Variants in ATG2B observed in about 807,000 individuals in gnomAD.
ATG2B encodes autophagy related 2B.
A neutral mutation model predicts 241.3 loss-of-function variants in ATG2B; 121 were observed. The ratio of observed to expected loss-of-function variants is 0.50; its 90% CI spans 0.43 to 0.58. ATG2B has a LOEUF of 0.58. ATG2B is among the 20% of genes least tolerant of loss of function. The probability of loss-of-function intolerance (pLI) is 0.00; values close to 1 mark genes in which losing one functional copy is unlikely to be tolerated. For synonymous variants in ATG2B, 858 were observed against 876.6 expected (o/e 0.98, Z 0.37); for missense variants, 2,306 against 2,491.6 (o/e 0.93, Z 1.59).
intron 33 of ATG2B, 41 bp downstream of exon 33, chr14:96,303,020 T>C (rs762046747): frequency 1.4e-6 from 2 of 1,388,434 alleles, no homozygotes; most frequent in Admixed American, 5.3e-5. Context: ...AAAAACACGT[T>C]TCCAAAACTA....
At chr14:96,299,668 T>C (rs1886737846) in intron 34 of ATG2B, among the ~76,000 whole-genome samples, 1 of 152,184 alleles carries the variant, frequency 6.6e-6, no homozygotes, top group African/African-American at 2.4e-5. Context: ...CATCCACTTA[T>C]CCACCAGATG....
chr14:96,289,765 G>T lies in ATG2B; in HGVS notation c.5897C>A (p.Thr1966Asn), dbSNP rs1419663128. Reference sequence around the variant, plus strand: ...GGTCTTCTTGGGCTCGATAGAAAGGGTACCAGGAGACACCATATCATAAGC... The same window carrying T: ...GGTCTTCTTGGGCTCGATAGAAAGGTTACCAGGAGACACCATATCATAAGC... Reference protein sequence around the residue: ...ETAYDMVSPGTLSIEPKKTKR... With the variant: ...ETAYDMVSPGNLSIEPKKTKR... Residue 1966 changes from threonine (T) to asparagine (N), a missense_variant, in exon 41 of 42, where the codon ACC becomes AAC. Thr to Asn is a moderately conservative substitution (Grantham distance 65). This residue lies in a region of ATG2B where 379 missense variants were observed against 480.4 expected (regional missense o/e 0.79). Transcript: ENST00000359933. This position sits in a 1 kb window ranked among gnomAD's most constrained non-coding sequence, Gnocchi z 4.3. 2 of 1,614,010 alleles carry T rather than the reference G, an allele frequency of 1.2e-6. No homozygotes were observed.
chr14:96,346,999 GGAAA>G (rs568252371), intron 2 of ATG2B, among the ~76,000 whole-genome samples, 176 bp downstream of exon 2: 41 of 151,998 alleles, frequency 2.7e-4, no homozygotes, highest in Middle Eastern at 6.8e-3. Flanking sequence ...GAAAAATCGG[GGAAA>G]GAAACAACTC....
Position 96,290,985 on chromosome 14 carries a change from C to T in ATG2B, c.5580-50G>A. 6.7e-7 allele frequency: 1 copy of T among 1,488,562 alleles called. No homozygotes were observed. The highest frequency in any genetic ancestry group is 1.4e-5 in the South Asian group (1 of 72,742). The allele number at this position is 1,488,562 out of a possible 1,614,324, so 92.2% of individuals were successfully genotyped here. On this transcript the variant is annotated intron_variant, in intron 38 of 41. Transcript: ENST00000359933. This position sits in a 1 kb window ranked among gnomAD's most constrained non-coding sequence, Gnocchi z 4.4. ...TCAAAAGGAGAAATACATTTATAGA[C>T]ACAGATTAGTTTGAGGGTTTTTTTT...
chr14:96,331,731 CAG>C, intron 10 of ATG2B, 94 bp from the exon 11 acceptor site: 1 of 993,552 alleles, frequency 1.0e-6, no homozygotes, highest in Middle Eastern at 2.9e-4. Context: ...CTTTAAAAAA[CAG>C]ATGATCATAC....
intron 1 of ATG2B, among the ~76,000 whole-genome samples, chr14:96,353,868 T>C (rs530141023): frequency 7.0e-4 from 107 of 152,180 alleles, no homozygotes; most frequent in African/African-American, 2.6e-3. Context: ...AGGAGTTCAA[T>C]GGAAAAAGAC....
At position 96,306,288 on chromosome 14, in the gene ATG2B, G is replaced by T. The variant is rs145558076; in HGVS notation, c.4506+426C>A. 3.6e-3 allele frequency among the ~76,000 whole-genome samples: 547 copies of T among 151,428 alleles called. 6 individuals carry two copies. Among genetic ancestry groups the T allele is most frequent in the Admixed American group, 0.021 (326 of 15,196 alleles). Reference sequence around the variant, plus strand: ...ACGGTCACCTACTGGACAATTCCTGGAAAGTTTCCAAATACACATACACAC... The same window carrying T: ...ACGGTCACCTACTGGACAATTCCTGTAAAGTTTCCAAATACACATACACAC... On this transcript the variant is annotated intron_variant, in intron 30 of 41. Coordinates refer to ENST00000359933, the MANE Select transcript of ATG2B (RefSeq NM_018036.7).
chr14:96,306,428 G>A (rs1886949629), intron 30 of ATG2B, among the ~76,000 whole-genome samples: 1 of 151,986 alleles, frequency 6.6e-6, no homozygotes, highest in South Asian at 2.1e-4. Context: ...AGATCCTTCT[G>A]CCATTTAATT....
chr14:96,357,737 T>TA (rs998923648), intron 1 of ATG2B, among the ~76,000 whole-genome samples: 2 of 152,102 alleles, frequency 1.3e-5, no homozygotes, highest in African/African-American at 4.8e-5. Flanking sequence ...TGGCCCATCA[T>TA]AAAAGACTTC....
intron 36 of ATG2B, 115 bp from the exon 37 acceptor site, chr14:96,292,213 A>C (rs1377125514): frequency 5.1e-6 from 3 of 592,532 alleles, no homozygotes; most frequent in Non-Finnish European, 8.8e-6. Context: ...AATAAATCAT[A>C]TAAATATCTT....
At chr14:96,337,454 T>C (rs1420288734) in intron 6 of ATG2B, among the ~76,000 whole-genome samples, 1 of 152,156 alleles carries the variant, frequency 6.6e-6, no homozygotes, top group African/African-American at 2.4e-5. Flanking sequence ...GTGTCAAAGC[T>C]ATGAGAAGGA....
chr14:96,352,451 G>A (rs765595183), intron 1 of ATG2B, among the ~76,000 whole-genome samples: 67 of 152,028 alleles, frequency 4.4e-4, no homozygotes, highest in Non-Finnish European at 8.8e-4. Context: ...AGAAGGCATT[G>A]TTATCATAGG....
chr14:96,308,219 AATATATATATACATAT>A (rs1887013035), intron 29 of ATG2B, among the ~76,000 whole-genome samples: 1 of 74,036 alleles, frequency 1.4e-5, no homozygotes, highest in East Asian at 2.9e-4. Context: ...TAAATACATA[AATATATATATACATAT>A]ATATATATAT....
At position 96,349,497 on chromosome 14, in the gene ATG2B, T is replaced by A. The variant is rs545246032; in HGVS notation, c.163-2156A>T. 2.8e-3 allele frequency among the ~76,000 whole-genome samples: 431 copies of A among 152,326 alleles called. 2 individuals carry two copies. Among genetic ancestry groups the A allele is most frequent in the African/African-American group, 1.0e-2 (415 of 41,578 alleles). On this transcript the variant is annotated intron_variant, in intron 1 of 41. Coordinates refer to ENST00000359933, the MANE Select transcript of ATG2B (RefSeq NM_018036.7). ...GAAGGGAAGATGCCAGCAGGAAGGC[T>A]GTTATGAGTAATAGAAGCTAGAGAG...
intron 1 of ATG2B, among the ~76,000 whole-genome samples, chr14:96,361,510 T>C (rs1448665898): frequency 6.6e-6 from 1 of 152,196 alleles, no homozygotes; most frequent in Admixed American, 6.5e-5. Flanking sequence ...GATAACCTAT[T>C]CATAACTGTA....
Position 96,289,221 on chromosome 14 carries a change from A to G in ATG2B, c.6006+435T>C, listed in dbSNP as rs3783429. Among the ~76,000 whole-genome samples the G allele has an allele frequency of 0.78, 119,051 of 152,180 alleles. 47,349 individuals are homozygous for G. Among genetic ancestry groups the G allele is most frequent in the African/African-American group, 0.93 (38,628 of 41,532 alleles). On this transcript the variant is annotated intron_variant, in intron 41 of 41. Coordinates refer to ENST00000359933, the MANE Select transcript of ATG2B (RefSeq NM_018036.7). This position sits in a 1 kb window ranked among gnomAD's most constrained non-coding sequence, Gnocchi z 4.3. ...ATAAAAATACATACATAATAAAACTATATAAAAACATGTACAAAAAAATAT... is the reference window on the plus strand; with the variant it reads ...ATAAAAATACATACATAATAAAACTGTATAAAAACATGTACAAAAAAATAT...
chr14:96,345,095 T>G, intron 3 of ATG2B, 138 bp downstream of exon 3: 1 of 638,334 alleles, frequency 1.6e-6, no homozygotes, highest in Non-Finnish European at 2.6e-6. Flanking sequence ...ATACCTCAAT[T>G]CTAAAGTTCT....
Position 96,355,316 on chromosome 14 carries a change from G to T in ATG2B, c.162+7499C>A, listed in dbSNP as rs376323310. Among the ~76,000 whole-genome samples the T allele has an allele frequency of 2.0e-5, 3 of 152,214 alleles. No homozygotes were observed. In the South Asian group the frequency reaches 6.2e-4, roughly 32 times the overall value. On this transcript the variant is annotated intron_variant, in intron 1 of 41. Coordinates refer to ENST00000359933, the MANE Select transcript of ATG2B (RefSeq NM_018036.7). ...TCATCTTGAGCTGATTTTTGTATAT[G>T]GTGTAAGGAAGGGGTCCAGTTTCAA...
chr14:96,325,975 A>T, intron 14 of ATG2B, 53 bp from the exon 15 acceptor site: 2 of 1,542,606 alleles, frequency 1.3e-6, no homozygotes, highest in Non-Finnish European at 1.8e-6. Flanking sequence ...AATGAACATA[A>T]ATTACACAGT....
Sources: gnomAD v4.1 joint callset for allele counts (sites outside exome capture counted in the v4.1 genomes callset) on GRCh38, gnomAD v4.1.1 for gene constraint, gnomAD v4.1.1 regional missense constraint, Gnocchi (gnomAD v3.1) non-coding constraint, MANE v1.5 for transcripts, NCBI Gene and HGNC (gene_info 2026-07-23, HGNC 2026-07-21) for gene names.